POLQ: variants seen among roughly 807,000 people sequenced by gnomAD.
The protein encoded by POLQ is DNA polymerase theta.
Under a neutral mutation model 259.2 loss-of-function variants are expected in POLQ, and 233 were observed. The ratio of observed to expected loss-of-function variants is 0.90; its 90% CI spans 0.81 to 1.00. The LOEUF is 1.00. POLQ is among the 50% of genes least tolerant of loss of function. The pLI, the probability that POLQ is intolerant of heterozygous loss-of-function variation, is 0.00. For missense variants in POLQ, 2,871 were observed against 3,051.6 expected (o/e 0.94, Z 1.39); for synonymous variants, 1,025 against 1,048.8 (o/e 0.98, Z 0.44).
intron 12 of POLQ, among the ~76,000 whole-genome samples, chr3:121,499,823 T>C (rs1389843041): frequency 6.6e-6 from 1 of 152,104 alleles, no homozygotes; most frequent in Non-Finnish European, 1.5e-5. Context: ...GGTCCAGCTA[T>C]TGAAATAAGT....
chr3:121,496,699 A>T, intron 14 of POLQ, 109 bp downstream of exon 14: 1 of 1,123,910 alleles, frequency 8.9e-7, no homozygotes, highest in Non-Finnish European at 1.3e-6. Flanking sequence ...ACAAAGTTTT[A>T]GCACTTTTAA....
At position 121,460,223 on chromosome 3, in the gene POLQ, G is replaced by A. The variant is rs765809823; in HGVS notation, c.6979C>T (p.Leu2327=). Residue 2327 remains leucine (L), a synonymous_variant, in exon 25 of 30, where the codon CTG becomes TTG. Coordinates refer to ENST00000264233, the MANE Select transcript of POLQ (RefSeq NM_199420.4). ...AFVPFPGGSI[L]AADYSQLELR... The stretch of plus-strand genomic sequence containing the variant: ...TCAAGCTGAGAGTAGTCAGCAGCCA[G>A]TATTGAACCACCTGAAGTAGAAGTG... 2 of 1,611,578 alleles carry A rather than the reference G, an allele frequency of 1.2e-6. No individual in the cohort carries two copies. Among genetic ancestry groups the A allele is most frequent in the East Asian group, 4.5e-5 (2 of 44,864 alleles).
chr3:121,459,109 A>G (rs2047768243), intron 25 of POLQ, among the ~76,000 whole-genome samples: 1 of 152,168 alleles, frequency 6.6e-6, no homozygotes, highest in Admixed American at 6.5e-5. Context: ...CTCTTTGCCT[A>G]ATAGTTATCC....
chr3:121,445,323 T>C (rs1234795342), intron 26 of POLQ, among the ~76,000 whole-genome samples: 1 of 152,166 alleles, frequency 6.6e-6, no homozygotes, highest in African/African-American at 2.4e-5. Flanking sequence ...TCTTAGACTG[T>C]TCAGGTTTTA....
intron 7 of POLQ, among the ~76,000 whole-genome samples, chr3:121,524,215 G>A (rs749206002): frequency 1.2e-4 from 18 of 152,226 alleles, no homozygotes; most frequent in African/African-American, 3.4e-4. Context: ...AAGCTAACCC[G>A]GTGTAGAAGG....
At chr3:121,514,361 C>CAAAAAAAAAA (rs76640182) in intron 9 of POLQ, among the ~76,000 whole-genome samples, 1 of 85,268 alleles carries the variant, frequency 1.2e-5, no homozygotes, top group Non-Finnish European at 2.5e-5. Flanking sequence ...CAACAATAAC[C>CAAAAAAAAAA]AAAAAAAAAA....
intron 25 of POLQ, among the ~76,000 whole-genome samples, chr3:121,454,347 ACAT>A (rs770231691): frequency 6.6e-6 from 1 of 152,370 alleles, no homozygotes; most frequent in Non-Finnish European, 1.5e-5. Context: ...TAACCAGTTA[ACAT>A]CATAATGACA....
At chr3:121,528,109 T>A (rs1288215330) in intron 7 of POLQ, among the ~76,000 whole-genome samples, 1 of 152,142 alleles carries the variant, frequency 6.6e-6, no homozygotes, top group Non-Finnish European at 1.5e-5. Context: ...TCTGTGTGCC[T>A]AAGTTTTGAT....
chr3:121,434,005 G>C (rs1401521047), intron 28 of POLQ, among the ~76,000 whole-genome samples: 1 of 152,176 alleles, frequency 6.6e-6, no homozygotes, highest in African/African-American at 2.4e-5. Context: ...TCCACACTAG[G>C]ACTGCAAAGG....
intron 6 of POLQ, among the ~76,000 whole-genome samples, chr3:121,532,188 A>C (rs909928602): frequency 6.6e-6 from 1 of 152,210 alleles, no homozygotes; most frequent in Admixed American, 6.5e-5. Context: ...TGAAGATATG[A>C]GGTTCAGATA....
chr3:121,448,554 AT>A (rs1241622877), intron 26 of POLQ, among the ~76,000 whole-genome samples: 2 of 151,752 alleles, frequency 1.3e-5, no homozygotes, highest in Non-Finnish European at 2.9e-5. Context: ...TTTAGTAGAG[AT>A]GGGGTTTCAC....
intron 25 of POLQ, among the ~76,000 whole-genome samples, chr3:121,455,902 G>C (rs532592838): frequency 1.1e-4 from 14 of 130,816 alleles, no homozygotes; most frequent in Admixed American, 9.7e-4. Flanking sequence ...GCATCATCCT[G>C]ATACCAAAGC....
At chr3:121,466,718 C>T (rs1576407108) in intron 24 of POLQ, among the ~76,000 whole-genome samples, 1 of 151,614 alleles carries the variant, frequency 6.6e-6, no homozygotes. Context: ...TTACCATACA[C>T]CACATAGACT....
intron 4 of POLQ, among the ~76,000 whole-genome samples, chr3:121,538,664 G>A (rs1242182225): frequency 6.6e-6 from 1 of 151,190 alleles, no homozygotes; most frequent in African/African-American, 2.4e-5. Flanking sequence ...CACTTACTAC[G>A]AGTCTATTGC....
chr3:121,491,791 G>T (rs1012817269), intron 15 of POLQ, among the ~76,000 whole-genome samples: 1 of 151,960 alleles, frequency 6.6e-6, no homozygotes, highest in Admixed American at 6.6e-5. Context: ...TAAACCAGGG[G>T]TCCTCAACCC....
intron 6 of POLQ, among the ~76,000 whole-genome samples, chr3:121,530,924 C>T (rs370943317): frequency 2.6e-5 from 4 of 152,134 alleles, no homozygotes; most frequent in South Asian, 4.1e-4. Flanking sequence ...AGGGACAGGG[C>T]GCAGTGGCTC....
intron 19 of POLQ, among the ~76,000 whole-genome samples, chr3:121,477,728 C>T (rs2047938900): frequency 1.3e-5 from 2 of 152,166 alleles, no homozygotes; most frequent in South Asian, 4.1e-4. Flanking sequence ...AAGACTTCAG[C>T]TTCCAGTATT....
Position 121,529,696 on chromosome 3 carries a change from G to A in POLQ, c.1057C>T (p.Leu353=). The change falls in exon 7 of 30, where the codon CTG becomes TTG. Residue 353 remains leucine (L), a synonymous_variant. Transcript: ENST00000264233. ...AACTCTCGAGCAATGATATCTGCCAGCTTCTCACACCATTTCTTTGATGGA... is the reference window on the plus strand; with the variant it reads ...AACTCTCGAGCAATGATATCTGCCAACTTCTCACACCATTTCTTTGATGGA... ...FCPSKKWCEK[L]ADIIAREFYN... 2 of 1,613,236 alleles carry A rather than the reference G, an allele frequency of 1.2e-6. No homozygotes were observed.
intron 25 of POLQ, among the ~76,000 whole-genome samples, chr3:121,452,088 T>A (rs567937322): frequency 1.8e-4 from 28 of 152,308 alleles, no homozygotes; most frequent in Admixed American, 5.2e-4. Context: ...CTCCGAGTCA[T>A]GCACAGGATA....
Sources: allele counts gnomAD v4.1 joint callset (sites outside exome capture counted in the v4.1 genomes callset), GRCh38; gene constraint gnomAD v4.1.1; transcripts MANE v1.5; gene names NCBI Gene and HGNC (gene_info 2026-07-23, HGNC 2026-07-21).